The following P2RY12 variants were observed in gnomAD, a reference collection of about 807,000 sequenced individuals.
The protein encoded by P2RY12 is P2Y purinoceptor 12.
P2RY12 carries 3 observed loss-of-function variants against 4.5 expected under a neutral mutation model. The ratio of observed to expected loss-of-function variants is 0.67; its 90% CI spans 0.31 to 1.74. The LOEUF (loss-of-function observed/expected upper bound fraction) is 1.74, where lower values mean the gene tolerates loss of function less well. P2RY12 is among the 40% of genes most tolerant of loss of function. P2RY12 has a pLI of 0.09. For missense variants in P2RY12, 356 were observed against 407.8 expected (o/e 0.87, Z 1.09); for synonymous variants, 148 against 154.1 (o/e 0.96, Z 0.29).
intron 1 of P2RY12, among the ~76,000 whole-genome samples, chr3:151,381,290 C>T (rs762929436): frequency 6.6e-5 from 10 of 152,104 alleles, no homozygotes; most frequent in Non-Finnish European, 1.3e-4. Context: ...TGTCATTTCT[C>T]ACCTTTTGGG....
intron 1 of P2RY12, chr3:151,375,983 C>G: frequency 1.1e-6 from 1 of 942,534 alleles, no homozygotes; most frequent in South Asian, 2.0e-5. Flanking sequence ...ATATATATAC[C>G]GAAAGCCAGT....
In P2RY12 at chr3:151,369,149, G is replaced by A. The variant is rs572307105; in HGVS notation, c.-180+15543C>T. 1.0e-3 allele frequency among the ~76,000 whole-genome samples: 157 copies of A among 152,312 alleles called. 2 individuals carry two copies. The highest frequency in any genetic ancestry group is 2.4e-3 in the Admixed American group (36 of 15,296). Reference sequence around the variant, plus strand: ...TGCTCCTAAAGATCATTTCCATATAGATAGGCATGTGTCTGTGTGAGAATC... The same window carrying A: ...TGCTCCTAAAGATCATTTCCATATAAATAGGCATGTGTCTGTGTGAGAATC... On this transcript the variant is annotated intron_variant, in intron 1 of 2. Transcript: ENST00000302632.
chr3:151,342,480 C>T (rs1751984619), intron 1 of P2RY12, among the ~76,000 whole-genome samples: 1 of 152,206 alleles, frequency 6.6e-6, no homozygotes, highest in Non-Finnish European at 1.5e-5. Flanking sequence ...GCTAGAAATG[C>T]ACATTTTTGG....
At chr3:151,376,178 C>T (rs1452387320) in intron 1 of P2RY12, 1 of 1,600,864 alleles carries the variant, frequency 6.2e-7, no homozygotes, top group African/African-American at 1.3e-5. Flanking sequence ...CCGAGGGGGA[C>T]AATCTGCAAA....
chr3:151,368,218 G>A lies in P2RY12; in HGVS notation c.-180+16474C>T, dbSNP rs1272606550. The stretch of plus-strand genomic sequence containing the variant: ...CCGACTCTTGCTTCATCTCTTCCGA[G>A]CTCCCCAGGCCTGCTTCTTACCTCA... On this transcript the variant is annotated intron_variant, in intron 1 of 2. Coordinates refer to ENST00000302632, the MANE Select transcript of P2RY12 (RefSeq NM_022788.5). 1 of 1,613,922 alleles carries A rather than the reference G, an allele frequency of 6.2e-7. No individual in the cohort carries two copies. Among genetic ancestry groups the A allele is most frequent in the African/African-American group, 1.3e-5 (1 of 74,884 alleles).
At chr3:151,364,907 C>A in intron 1 of P2RY12, 3 of 1,078,330 alleles carry the variant, frequency 2.8e-6, no homozygotes, top group Admixed American at 1.7e-5. Context: ...TTTAATATGT[C>A]CTTAAGTGAA....
At chr3:151,350,517 TAA>T (rs1753093114) in intron 1 of P2RY12, among the ~76,000 whole-genome samples, 2 of 152,164 alleles carry the variant, frequency 1.3e-5, no homozygotes, top group African/African-American at 4.8e-5. Flanking sequence ...ATAGTAGTAA[TAA>T]ATGAAGTACT....
At chr3:151,360,002 A>G (rs1754413974) in intron 1 of P2RY12, among the ~76,000 whole-genome samples, 1 of 152,176 alleles carries the variant, frequency 6.6e-6, no homozygotes, top group South Asian at 2.1e-4. Flanking sequence ...CATAAGGGGA[A>G]TGTGACTCCA....
chr3:151,379,247 A>G (rs1479174194), intron 1 of P2RY12, among the ~76,000 whole-genome samples: 1 of 152,200 alleles, frequency 6.6e-6, no homozygotes, highest in Non-Finnish European at 1.5e-5. Flanking sequence ...CTAACTTCCC[A>G]TAGGCAGGAC....
At chr3:151,363,396 A>G (rs1754868581) in intron 1 of P2RY12, among the ~76,000 whole-genome samples, 1 of 152,056 alleles carries the variant, frequency 6.6e-6, no homozygotes, top group East Asian at 1.9e-4. Flanking sequence ...TGAGAGGAGT[A>G]TTTTTTTCTG....
At chr3:151,348,114 C>T (rs1384588463) in intron 1 of P2RY12, among the ~76,000 whole-genome samples, 1 of 152,024 alleles carries the variant, frequency 6.6e-6, no homozygotes, top group African/African-American at 2.4e-5. Context: ...TTTTTCAGGG[C>T]TCCTAGCATT....
chr3:151,378,903 T>A (rs1287233044), intron 1 of P2RY12, among the ~76,000 whole-genome samples: 1 of 152,260 alleles, frequency 6.6e-6, no homozygotes, highest in South Asian at 2.1e-4. Context: ...AAACTCATTA[T>A]GTACATGAGC....
intron 1 of P2RY12, among the ~76,000 whole-genome samples, chr3:151,352,815 A>G (rs912898565): frequency 6.6e-6 from 1 of 152,214 alleles, no homozygotes; most frequent in African/African-American, 2.4e-5. Flanking sequence ...GAAGTTTACT[A>G]TGACAACCTT....
chr3:151,338,954 A>G, intron 2 of P2RY12, 95 bp from the exon 3 acceptor site: 4 of 1,074,430 alleles, frequency 3.7e-6, no homozygotes, highest in South Asian at 1.3e-5. Flanking sequence ...AGCCTCCTCT[A>G]AAAGTTGAGG....
intron 1 of P2RY12, among the ~76,000 whole-genome samples, chr3:151,345,359 C>T (rs1430812609): frequency 6.6e-6 from 1 of 152,116 alleles, no homozygotes; most frequent in Non-Finnish European, 1.5e-5. Context: ...ATATTACTTA[C>T]AACTGTGCAA....
chr3:151,379,331 T>C (rs1423573080), intron 1 of P2RY12, among the ~76,000 whole-genome samples: 2 of 152,258 alleles, frequency 1.3e-5, no homozygotes, highest in Admixed American at 6.5e-5. Context: ...TGGAGAATAA[T>C]GCTGATTGAA....
Position 151,365,950 on chromosome 3 carries a change from A to G in P2RY12, c.-180+18742T>C, listed in dbSNP as rs764741170. 2.5e-6 allele frequency: 4 copies of G among 1,613,246 alleles called. No individual in the cohort carries two copies. Among genetic ancestry groups the G allele is most frequent in the Non-Finnish European group, 2.5e-6 (3 of 1,179,424 alleles). On this transcript the variant is annotated intron_variant, in intron 1 of 2. Coordinates refer to ENST00000302632, the MANE Select transcript of P2RY12 (RefSeq NM_022788.5). Reference sequence around the variant, plus strand: ...TCTGAAGGCTCTTTGTTGTTCTTCAAATCACGTGTGGGGGTTTAATGATGT... The same window carrying G: ...TCTGAAGGCTCTTTGTTGTTCTTCAGATCACGTGTGGGGGTTTAATGATGT...
At chr3:151,373,056 G>A (rs1756385676) in intron 1 of P2RY12, among the ~76,000 whole-genome samples, 2 of 152,122 alleles carry the variant, frequency 1.3e-5, no homozygotes, top group Non-Finnish European at 2.9e-5. Context: ...AGAGTAGATT[G>A]TATATTTTAT....
At chr3:151,341,552 T>C (rs974661057) in intron 1 of P2RY12, among the ~76,000 whole-genome samples, 1 of 130,408 alleles carries the variant, frequency 7.7e-6, no homozygotes, top group Non-Finnish European at 1.6e-5. Flanking sequence ...GGGCAAAGTG[T>C]TTTGCTGCTT....
Sources: gnomAD v4.1 joint callset for allele counts (sites outside exome capture counted in the v4.1 genomes callset) on GRCh38, gnomAD v4.1.1 for gene constraint, MANE v1.5 for transcripts, NCBI Gene and HGNC (gene_info 2026-07-23, HGNC 2026-07-21) for gene names.